The following TEX9 variants were observed in gnomAD, a reference collection of about 807,000 sequenced individuals.
TEX9 encodes the protein testis expressed 9.
A neutral mutation model predicts 59.6 loss-of-function variants in TEX9; 74 were observed. The observed-to-expected ratio is 1.24, with a 90% confidence interval of 1.03 to 1.51. The LOEUF (loss-of-function observed/expected upper bound fraction) is 1.51. Ranked by LOEUF, TEX9 falls within the 40% of genes most tolerant of loss-of-function variation. The probability of loss-of-function intolerance (pLI) is 0.00; values close to 1 mark genes in which losing one functional copy is unlikely to be tolerated. For synonymous variants in TEX9, 186 were observed against 152.2 expected (o/e 1.22, Z -1.64); for missense variants, 522 against 447.8 (o/e 1.17, Z -1.49).
At chr15:56,365,807 C>A in intron 2 of TEX9, 137 bp downstream of exon 2, 1 of 1,458,480 alleles carries the variant, frequency 6.9e-7, no homozygotes. Flanking sequence ...ATCTCGTTCA[C>A]CTGCCGTTTA....
Position 56,414,577 on chromosome 15 carries a change from T to C in TEX9, c.963+2141T>C, listed in dbSNP as rs1252946677. 5.9e-5 allele frequency among the ~76,000 whole-genome samples: 9 copies of C among 151,864 alleles called. 1 individual carries two copies. Among genetic ancestry groups the C allele is most frequent in the African/African-American group, 2.2e-4 (9 of 41,168 alleles). ...GTTCCCACAAAAAACATGATCTCGT[T>C]CTTTTTTATGGCTACATAGTATTCC... is the stretch of plus-strand genomic sequence containing the variant. On this transcript the variant is annotated intron_variant, in intron 10 of 12. Transcript: ENST00000352903.
intron 7 of TEX9, among the ~76,000 whole-genome samples, chr15:56,393,473 A>G (rs1331328465): frequency 6.6e-6 from 1 of 152,186 alleles, no homozygotes; most frequent in Non-Finnish European, 1.5e-5. Flanking sequence ...TCCTCAAGAT[A>G]AATTCCATGA....
At chr15:56,399,274 A>G (rs563047018) in intron 9 of TEX9, among the ~76,000 whole-genome samples, 1 of 152,234 alleles carries the variant, frequency 6.6e-6, no homozygotes, top group African/African-American at 2.4e-5. Flanking sequence ...CGCTTTTCCC[A>G]AGGTCTTAGC....
At chr15:56,451,595 T>C in the TEX9 span, among the ~76,000 whole-genome samples, 1 of 152,208 alleles carries the variant, frequency 6.6e-6, no homozygotes, top group Non-Finnish European at 1.5e-5. Flanking sequence ...TAGTATGTGG[T>C]ATTTTCATTA....
chr15:56,286,872 G>A (rs1169038074), intron 1 of TEX9, among the ~76,000 whole-genome samples: 4 of 28,252 alleles, frequency 1.4e-4, no homozygotes, highest in South Asian at 2.6e-3. Flanking sequence ...GGTTTTGCAT[G>A]TAATTTGGCA....
intron 1 of TEX9, among the ~76,000 whole-genome samples, chr15:56,250,822 C>A (rs769345929): frequency 3.9e-5 from 6 of 152,066 alleles, no homozygotes; most frequent in Middle Eastern, 3.4e-3. Context: ...TTGGATGAGA[C>A]CCACCAAAAT....
At position 56,245,624 on chromosome 15, in the gene TEX9, T is replaced by C. The variant is rs2043833739; in HGVS notation, c.-107+1346T>C. Among the ~76,000 whole-genome samples, 2 of 152,198 alleles carry C rather than the reference T, an allele frequency of 1.3e-5. 1 individual carries two copies. Among genetic ancestry groups the C allele is most frequent in the South Asian group, 4.1e-4 (2 of 4,832 alleles). On this transcript the variant is annotated intron_variant, in intron 1 of 5. Transcript: ENST00000560827. ...AAATAGCTAATGTTTGTTGAACACT[T>C]TGTGTGCCAGACTAGCACTTTCCAT...
At chr15:56,304,932 A>G (rs2045443401) in intron 1 of TEX9, among the ~76,000 whole-genome samples, 1 of 152,186 alleles carries the variant, frequency 6.6e-6, no homozygotes, top group South Asian at 2.1e-4. Flanking sequence ...CATGTTGCCC[A>G]GGCTGGTCTG....
In TEX9 at chr15:56,318,352, A is replaced by G. The variant is rs1430968349; in HGVS notation, c.-106-55089A>G. On this transcript the variant is annotated intron_variant, in intron 1 of 5. Coordinates refer to the TEX9 transcript ENST00000560827. ...CTTTTTTGTTTACTGTTTGCATGCT[A>G]TATGTTTTGTCATCTTTTTCTTTCA... 7.2e-5 allele frequency among the ~76,000 whole-genome samples: 11 copies of G among 152,138 alleles called. No individual in the cohort carries two copies. The South Asian group carries it at 8.3e-4, about 11-fold the overall frequency.
rs369913183 is a variant in TEX9 at position 56,256,864 on chromosome 15, A to G, written c.-107+12586A>G. ...AATGTGTGTCATGGGGGTTTGTTGT[A>G]CAGATTATTTCATCACCAAGGTATG... On this transcript the variant is annotated intron_variant, in intron 1 of 5. Coordinates refer to the TEX9 transcript ENST00000560827. Among the ~76,000 whole-genome samples, 42 of 152,228 alleles carry G rather than the reference A, an allele frequency of 2.8e-4. 1 individual carries two copies. Among genetic ancestry groups the G allele is most frequent in the African/African-American group, 9.6e-4 (40 of 41,542 alleles).
At chr15:56,412,928 A>G (rs2049434726) in intron 10 of TEX9, among the ~76,000 whole-genome samples, 2 of 152,250 alleles carry the variant, frequency 1.3e-5, no homozygotes, top group South Asian at 4.1e-4. Context: ...GTCTGGAGTG[A>G]GGCCTGAGAA....
At chr15:56,284,045 T>G (rs2044881867) in intron 1 of TEX9, among the ~76,000 whole-genome samples, 1 of 152,236 alleles carries the variant, frequency 6.6e-6, no homozygotes, top group Admixed American at 6.5e-5. Flanking sequence ...TAATGAGACT[T>G]CATTCATTGC....
At chr15:56,254,950 A>G (rs2682054) in intron 1 of TEX9, among the ~76,000 whole-genome samples, 65,178 of 151,774 alleles carry the variant, frequency 0.43, 14,111 homozygotes, top group African/African-American at 0.47. Context: ...AAGGATGACT[A>G]TAGGATAAAT....
At chr15:56,387,852 G>A (rs1414762601) in intron 4 of TEX9, among the ~76,000 whole-genome samples, 8 of 151,938 alleles carry the variant, frequency 5.3e-5, no homozygotes, top group African/African-American at 1.7e-4. Flanking sequence ...GTGGGCCATA[G>A]TTTGCAGACC....
chr15:56,369,356 AT>A (rs34693580), intron 2 of TEX9, among the ~76,000 whole-genome samples: 385 of 142,484 alleles, frequency 2.7e-3, no homozygotes, highest in Non-Finnish European at 2.7e-3. Context: ...TGCCATGCTA[AT>A]TTTTTTTTTT....
intron 2 of TEX9, among the ~76,000 whole-genome samples, chr15:56,368,534 G>C (rs1229673762): frequency 2.0e-5 from 3 of 152,016 alleles, no homozygotes; most frequent in Non-Finnish European, 4.4e-5. Flanking sequence ...GAAACTGTCT[G>C]AGTCTAGTGT....
At chr15:56,379,007 T>C (rs1351666478) in intron 3 of TEX9, among the ~76,000 whole-genome samples, 1 of 147,830 alleles carries the variant, frequency 6.8e-6, no homozygotes, top group Non-Finnish European at 1.5e-5. Context: ...TAGGCTGTAG[T>C]GAGCCATGAT....
intron 1 of TEX9, among the ~76,000 whole-genome samples, chr15:56,306,617 A>T (rs1421215006): frequency 6.6e-6 from 1 of 152,190 alleles, no homozygotes. Context: ...CAAGGGGTTT[A>T]GAGTTGGGGG....
At position 56,293,697 on chromosome 15, in the gene TEX9, G is replaced by C. The variant is rs568470648; in HGVS notation, c.-107+49419G>C. 2.0e-5 allele frequency among the ~76,000 whole-genome samples: 3 copies of C among 152,312 alleles called. No individual in the cohort carries two copies. In the East Asian group the frequency reaches 5.8e-4, roughly 29 times the overall value. Reference sequence around the variant, plus strand: ...CTGACCTCAAAAGGTCAGCCATGCAGGCAGTATGTGATCAAGCCCTAGTAA... The same window carrying C: ...CTGACCTCAAAAGGTCAGCCATGCACGCAGTATGTGATCAAGCCCTAGTAA... On this transcript the variant is annotated intron_variant, in intron 1 of 5. Transcript: ENST00000560827.
Sources: allele counts gnomAD v4.1 joint callset (sites outside exome capture counted in the v4.1 genomes callset), GRCh38; gene constraint gnomAD v4.1.1; transcripts MANE v1.5; gene names NCBI Gene and HGNC (gene_info 2026-07-23, HGNC 2026-07-21).